Variants in MAGI2 observed in about 807,000 individuals in gnomAD.
MAGI2 encodes membrane associated guanylate kinase, WW and PDZ domain containing 2.
MAGI2 carries 35 observed loss-of-function variants against 133.3 expected under a neutral mutation model. The observed-to-expected ratio is 0.26, with a 90% confidence interval of 0.20 to 0.35. MAGI2 has a LOEUF of 0.35. Among genes scored for constraint, MAGI2 ranks in the 10% least tolerant of loss-of-function variants. The pLI, the probability that MAGI2 is intolerant of heterozygous loss-of-function variation, is 1.00. For synonymous variants in MAGI2, 729 were observed against 710.6 expected, an observed-to-expected ratio of 1.03 and a Z score of -0.41; for missense variants, 1,636 against 1,863.4, an observed-to-expected ratio of 0.88 and a Z score of 2.25.
At chr7:78,351,452 G>C (rs547167536) in intron 7 of MAGI2, among the ~76,000 whole-genome samples, 1 of 151,926 alleles carries the variant, frequency 6.6e-6, no homozygotes, top group Non-Finnish European at 1.5e-5. Flanking sequence ...GGGATGAAAT[G>C]TGGGAGCATT....
chr7:78,774,579 A>G (rs1989978), intron 2 of MAGI2, among the ~76,000 whole-genome samples: 136,774 of 152,186 alleles, frequency 0.9, 61,549 homozygotes, highest in East Asian at 1. Flanking sequence ...TCATGTCAGC[A>G]GGCAAAGACT....
At chr7:78,960,845 T>C (rs370805755) in intron 2 of MAGI2, among the ~76,000 whole-genome samples, 49 of 152,264 alleles carry the variant, frequency 3.2e-4, no homozygotes, top group African/African-American at 1.2e-3. Flanking sequence ...TTTCAGGATA[T>C]TTAATCCTCA....
At chr7:78,981,476 G>A (rs1340100901) in intron 2 of MAGI2, among the ~76,000 whole-genome samples, 2 of 151,478 alleles carry the variant, frequency 1.3e-5, no homozygotes, top group Non-Finnish European at 2.9e-5. Context: ...GTCTTTTAAT[G>A]TCACAATATT....
intron 2 of MAGI2, among the ~76,000 whole-genome samples, chr7:78,766,111 G>A (rs977042116): frequency 6.6e-6 from 1 of 152,182 alleles, no homozygotes; most frequent in East Asian, 1.9e-4. Context: ...TAACCCAGAG[G>A]GTTTGGTTCT....
intron 2 of MAGI2, among the ~76,000 whole-genome samples, chr7:78,958,244 A>G (rs1340512146): frequency 6.6e-6 from 1 of 152,124 alleles, no homozygotes; most frequent in Non-Finnish European, 1.5e-5. Context: ...AAAAAAAATT[A>G]TAGTAGCAGG....
intron 1 of MAGI2, among the ~76,000 whole-genome samples, chr7:79,388,541 G>C (rs991388400): frequency 6.6e-6 from 1 of 151,754 alleles, no homozygotes; most frequent in African/African-American, 2.4e-5. Flanking sequence ...TTAAGGAAAA[G>C]AATATTCAAA....
chr7:79,351,246 A>G (rs1183394286), intron 1 of MAGI2, among the ~76,000 whole-genome samples: 2 of 152,168 alleles, frequency 1.3e-5, no homozygotes, highest in African/African-American at 4.8e-5. Flanking sequence ...CACTAAATTA[A>G]GTAGGATTTA....
chr7:78,359,650 G>A (rs1288847550), intron 7 of MAGI2, among the ~76,000 whole-genome samples: 2 of 151,996 alleles, frequency 1.3e-5, no homozygotes, highest in Non-Finnish European at 2.9e-5. Context: ...CTCACATGAT[G>A]GGATTGTTAA....
At chr7:79,168,595 A>C (rs757324713) in intron 1 of MAGI2, among the ~76,000 whole-genome samples, 3 of 151,944 alleles carry the variant, frequency 2.0e-5, no homozygotes, top group Non-Finnish European at 4.4e-5. Context: ...TGAGTTCCTC[A>C]CTGTCTTCCA....
intron 4 of MAGI2, among the ~76,000 whole-genome samples, chr7:78,508,594 T>C (rs1043155940): frequency 6.6e-6 from 1 of 152,192 alleles, no homozygotes; most frequent in Admixed American, 6.5e-5. Flanking sequence ...CAACCAAGCT[T>C]GCCTGTGTCA....
At chr7:78,844,390 G>A (rs1487336130) in intron 2 of MAGI2, among the ~76,000 whole-genome samples, 2 of 151,664 alleles carry the variant, frequency 1.3e-5, no homozygotes, top group Non-Finnish European at 2.9e-5. Context: ...ATAGTCCAAA[G>A]GTAGAAACAA....
rs1173901750 is a variant in MAGI2, at chr7:78,425,139, T to C, written c.1046-55926A>G. 3.3e-5 allele frequency among the ~76,000 whole-genome samples: 5 copies of C among 152,222 alleles called. No individual in the cohort carries two copies. The South Asian group carries it at 1.0e-3, about 32-fold the overall frequency. ...TTGGGAAGAACTTGGTTAGAGGTGATTGAATTATGGGGGCGGGTCTTTCCT... is the reference window on the plus strand; with the variant it reads ...TTGGGAAGAACTTGGTTAGAGGTGACTGAATTATGGGGGCGGGTCTTTCCT... On this transcript the variant is annotated intron_variant, in intron 6 of 21. Coordinates refer to ENST00000354212, the MANE Select transcript of MAGI2 (RefSeq NM_012301.4).
At chr7:78,860,947 G>T (rs28634339) in intron 2 of MAGI2, among the ~76,000 whole-genome samples, 2,464 of 152,222 alleles carry the variant, frequency 0.016, 66 homozygotes, top group African/African-American at 0.056. Context: ...GCAATGGCGG[G>T]CACCCCTCCC....
At chr7:78,593,832 A>G (rs896063682) in intron 3 of MAGI2, among the ~76,000 whole-genome samples, 2 of 152,190 alleles carry the variant, frequency 1.3e-5, no homozygotes, top group African/African-American at 4.8e-5. Context: ...TTGACTAAAA[A>G]TTGTCCAAGG....
At chr7:78,940,737 A>T (rs965527520) in intron 2 of MAGI2, 1 of 152,186 alleles carries the variant, frequency 6.6e-6, no homozygotes, top group African/African-American at 2.4e-5. Flanking sequence ...AGCTGGGATT[A>T]GGCAAGCTGT....
intron 21 of MAGI2, among the ~76,000 whole-genome samples, chr7:78,073,223 T>C (rs963764017): frequency 2.6e-5 from 4 of 152,238 alleles, no homozygotes; most frequent in African/African-American, 9.6e-5. Flanking sequence ...ACCAAGTGCT[T>C]GTAGTCAAGC....
intron 2 of MAGI2, among the ~76,000 whole-genome samples, chr7:78,836,606 A>T (rs17454991): frequency 0.33 from 50,458 of 152,048 alleles, 8,995 homozygotes; most frequent in East Asian, 0.71. Flanking sequence ...TGATAGCTTA[A>T]CTTCTTTTGG....
chr7:78,630,412 A>ATTT, intron 2 of MAGI2, among the ~76,000 whole-genome samples: 1 of 87,570 alleles, frequency 1.1e-5, no homozygotes, highest in Admixed American at 1.3e-4. Context: ...TTTGTGTTTA[A>ATTT]CTTTTTTTTT....
intron 20 of MAGI2, 107 bp downstream of exon 20, chr7:78,125,587 C>A: frequency 8.4e-7 from 1 of 1,191,848 alleles, no homozygotes; most frequent in South Asian, 1.8e-5. Flanking sequence ...AGAAAGAGGG[C>A]AAACCTACAG....
Sources: allele counts gnomAD v4.1 joint callset (sites outside exome capture counted in the v4.1 genomes callset), GRCh38; gene constraint gnomAD v4.1.1; transcripts MANE v1.5; gene names NCBI Gene and HGNC (gene_info 2026-07-23, HGNC 2026-07-21).